The following KLF15 variants were observed in gnomAD, a reference collection of about 807,000 sequenced individuals.
The protein encoded by KLF15 is Krueppel-like factor 15.
Under a neutral mutation model 24.6 loss-of-function variants are expected in KLF15, and 4 were observed. That is an observed-to-expected ratio of 0.16 (90% CI 0.08 to 0.37). The LOEUF is 0.37. Among genes scored for constraint, KLF15 ranks in the 10% least tolerant of loss-of-function variants. The pLI, the probability that KLF15 is intolerant of heterozygous loss-of-function variation, is 1.00. For missense variants in KLF15, 496 were observed against 560.6 expected (o/e 0.88, Z 1.16); for synonymous variants, 246 against 236.3 (o/e 1.04, Z -0.37).
At chr3:126,321,108 C>T in the KLF15 span, among the ~76,000 whole-genome samples, 24 of 152,262 alleles carry the variant, frequency 1.6e-4, no homozygotes, top group East Asian at 1.7e-3. Context: ...TCTGTCCTCA[C>T]ATCTGGCTAC....
chr3:126,315,213 C>T, the KLF15 span, among the ~76,000 whole-genome samples: 4 of 152,098 alleles, frequency 2.6e-5, no homozygotes, highest in African/African-American at 9.7e-5. Flanking sequence ...TTAGAGAGAC[C>T]CACCCTACTC....
chr3:126,288,453 GGT>G, the KLF15 span: 1 of 152,328 alleles, frequency 6.6e-6, no homozygotes, highest in Non-Finnish European at 1.5e-5. Context: ...GCTGTGGGCA[GGT>G]GCCAAGGCTG....
intron 2 of KLF15, among the ~76,000 whole-genome samples, chr3:126,348,438 G>T (rs1387041104): frequency 6.6e-6 from 1 of 152,098 alleles, no homozygotes; most frequent in African/African-American, 2.4e-5. Flanking sequence ...CACACATGGC[G>T]ACTCTGATAC....
the KLF15 span, among the ~76,000 whole-genome samples, chr3:126,334,306 C>T: frequency 6.8e-6 from 1 of 147,864 alleles, no homozygotes; most frequent in African/African-American, 2.5e-5. Flanking sequence ...ACTGAACAAC[C>T]TGCTCCTGAA....
the KLF15 span, among the ~76,000 whole-genome samples, chr3:126,293,621 C>T: frequency 6.6e-6 from 1 of 152,168 alleles, no homozygotes; most frequent in Non-Finnish European, 1.5e-5. Context: ...CAGGTAGCCC[C>T]TTCCATGCCT....
intron 2 of KLF15, among the ~76,000 whole-genome samples, chr3:126,344,455 A>G (rs894354690): frequency 6.6e-6 from 1 of 152,206 alleles, no homozygotes; most frequent in Admixed American, 6.5e-5. Flanking sequence ...GCAGCTGGTA[A>G]AAGCTCCCAA....
the KLF15 span, among the ~76,000 whole-genome samples, chr3:126,314,199 G>T: frequency 6.6e-6 from 1 of 152,232 alleles, no homozygotes; most frequent in Non-Finnish European, 1.5e-5. Flanking sequence ...TGGGGGCTGG[G>T]GTGCTCTCGG....
At chr3:126,344,466 C>T (rs1012738924) in intron 2 of KLF15, among the ~76,000 whole-genome samples, 1 of 152,230 alleles carries the variant, frequency 6.6e-6, no homozygotes, top group African/African-American at 2.4e-5. Flanking sequence ...AAGCTCCCAA[C>T]AGGAAAGGAC....
intron 1 of KLF15, among the ~76,000 whole-genome samples, chr3:126,355,368 G>A (rs997752734): frequency 4.6e-5 from 7 of 152,200 alleles, no homozygotes; most frequent in African/African-American, 1.4e-4. Flanking sequence ...GGGCCCTTGG[G>A]ACTCTCTGCA....
chr3:126,297,848 G>A, the KLF15 span, among the ~76,000 whole-genome samples: 2 of 152,126 alleles, frequency 1.3e-5, no homozygotes, highest in South Asian at 4.1e-4. Context: ...CCACTCATTG[G>A]TTGATGGGCA....
the KLF15 span, among the ~76,000 whole-genome samples, chr3:126,296,946 G>A: frequency 6.6e-6 from 1 of 151,858 alleles, no homozygotes; most frequent in African/African-American, 2.4e-5. Context: ...TTTTTCGTTT[G>A]TTTTGTTTTT....
rs543664362 is a variant in KLF15, at chr3:126,356,036, C to T, written c.-26+1201G>A. 5.6e-4 allele frequency among the ~76,000 whole-genome samples: 86 copies of T among 152,346 alleles called. No individual in the cohort carries two copies. The highest frequency in any genetic ancestry group is 1.7e-3 in the Admixed American group (26 of 15,310). On this transcript the variant is annotated intron_variant, in intron 1 of 2. Transcript: ENST00000296233. This position sits in a 1 kb window ranked among gnomAD's most constrained non-coding sequence, Gnocchi z 4.4. ...TGGCCGCCGGACTCCGCCCCCTCCC[C>T]TGGCCCGGCCAGGCCTGCTGTTTAT...
At chr3:126,321,516 C>T in the KLF15 span, among the ~76,000 whole-genome samples, 4 of 152,242 alleles carry the variant, frequency 2.6e-5, no homozygotes, top group Non-Finnish European at 5.9e-5. Flanking sequence ...CACATGCATG[C>T]AGTCCAGAGC....
At chr3:126,345,269 T>G (rs948235934) in intron 2 of KLF15, among the ~76,000 whole-genome samples, 3 of 152,104 alleles carry the variant, frequency 2.0e-5, no homozygotes, top group African/African-American at 7.2e-5. Flanking sequence ...TATCTTCAAC[T>G]TTTTGATGAC....
the KLF15 span, among the ~76,000 whole-genome samples, chr3:126,317,590 A>G: frequency 1.3e-5 from 2 of 152,120 alleles, no homozygotes; most frequent in Non-Finnish European, 2.9e-5. Flanking sequence ...TTCAGTAAAC[A>G]CACTGCGCAC....
chr3:126,309,031 C>T, the KLF15 span, among the ~76,000 whole-genome samples: 2 of 152,202 alleles, frequency 1.3e-5, no homozygotes, highest in Non-Finnish European at 2.9e-5. Context: ...TCACATCCTC[C>T]TCAGATGTGT....
the KLF15 span, among the ~76,000 whole-genome samples, chr3:126,327,707 T>A: frequency 6.6e-6 from 1 of 152,236 alleles, no homozygotes; most frequent in Non-Finnish European, 1.5e-5. Flanking sequence ...AACTGAAGCC[T>A]GCATGTCATG....
the KLF15 span, among the ~76,000 whole-genome samples, chr3:126,313,794 C>T: frequency 1.3e-5 from 2 of 152,250 alleles, no homozygotes; most frequent in Non-Finnish European, 2.9e-5. Context: ...GCTCTCACTC[C>T]TGTGGTCTGA....
the KLF15 span, among the ~76,000 whole-genome samples, chr3:126,330,176 G>C: frequency 7.9e-5 from 12 of 152,316 alleles, no homozygotes; most frequent in Admixed American, 7.2e-4. Context: ...CAGAGCCCCA[G>C]CCAGCCCAGC....
Sources: gnomAD v4.1 joint callset for allele counts (sites outside exome capture counted in the v4.1 genomes callset) on GRCh38, gnomAD v4.1.1 for gene constraint, Gnocchi (gnomAD v3.1) non-coding constraint, MANE v1.5 for transcripts, NCBI Gene and HGNC (gene_info 2026-07-23, HGNC 2026-07-21) for gene names.